PRKRIP1: variants seen among roughly 807,000 people sequenced by gnomAD.
PRKRIP1 encodes PRKR interacting protein 1.
In PRKRIP1, 29 loss-of-function variants were observed where a neutral mutation model predicts 29.3. The observed-to-expected ratio is 0.99, with a 90% CI of 0.74 to 1.35. The LOEUF (loss-of-function observed/expected upper bound fraction) is 1.35, where lower values mean the gene tolerates loss of function less well. PRKRIP1 is among the 40% of genes most tolerant of loss of function. PRKRIP1 has a pLI of 0.00. For missense variants in PRKRIP1, 247 were observed against 236.8 expected (o/e 1.04, Z -0.28); for synonymous variants, 90 against 85.1 (o/e 1.06, Z -0.32).
chr7:102,412,271 T>G (rs1796408215), intron 5 of PRKRIP1, among the ~76,000 whole-genome samples: 1 of 152,236 alleles, frequency 6.6e-6, no homozygotes, highest in Non-Finnish European at 1.5e-5. Context: ...TAAAAGTGGT[T>G]TGGGCTTGGA....
chr7:102,397,870 C>A (rs1235809166), intron 2 of PRKRIP1, among the ~76,000 whole-genome samples, 172 bp downstream of exon 2: 1 of 151,960 alleles, frequency 6.6e-6, no homozygotes, highest in African/African-American at 2.4e-5. Context: ...ACGGTGAAAC[C>A]CCGTCTCTAC....
Position 102,399,659 on chromosome 7 carries a change from C to T in PRKRIP1, c.306+11C>T, listed in dbSNP as rs143404763. On this transcript the variant is annotated intron_variant, in intron 3 of 5. Transcript: ENST00000397912. ...GCCATGGCTGAGAAGGTCAGTGAGCCAGAAGGCTGGCTGAGCCCCCATGTT... is the reference window on the plus strand; with the variant it reads ...GCCATGGCTGAGAAGGTCAGTGAGCTAGAAGGCTGGCTGAGCCCCCATGTT... 4.6e-5 allele frequency: 74 copies of T among 1,601,244 alleles called. No homozygotes were observed. In the East Asian group the frequency reaches 1.6e-3, roughly 35 times the overall value.
chr7:102,424,451 C>T (rs2133208611), intron 5 of PRKRIP1, among the ~76,000 whole-genome samples: 1 of 152,360 alleles, frequency 6.6e-6, no homozygotes, highest in South Asian at 2.1e-4. Context: ...GAGTTGGGAA[C>T]ACGTCCTCAT....
At position 102,396,513 on chromosome 7, in the gene PRKRIP1, G is replaced by A. The variant is rs782209495; in HGVS notation, c.102G>A (p.Lys34=). ...ATGCGGCGGAGGAGCAGAAGCTCAA[G>A]CTGGAGCGGCTCATGAAGAACCCGG... ...PKNAAEEQKL[K]LERLMKNPDK... The change falls in exon 1 of 6, where the codon AAG becomes AAA. Residue 34 remains lysine (K), a synonymous_variant. Coordinates refer to ENST00000397912, the MANE Select transcript of PRKRIP1 (RefSeq NM_024653.4). 88 of 1,609,522 alleles carry A rather than the reference G, an allele frequency of 5.5e-5. No homozygotes were observed. Among genetic ancestry groups the A allele is most frequent in the Non-Finnish European group, 6.9e-5 (81 of 1,178,812 alleles).
At chr7:102,401,680 C>T (rs538151684) in intron 3 of PRKRIP1, among the ~76,000 whole-genome samples, 99 of 152,292 alleles carry the variant, frequency 6.5e-4, no homozygotes, top group African/African-American at 2.4e-3. Context: ...TTGCGGTGAG[C>T]TGAGATTGCG....
chr7:102,401,057 C>T (rs1271203583), intron 3 of PRKRIP1, among the ~76,000 whole-genome samples: 13 of 151,968 alleles, frequency 8.6e-5, no homozygotes, highest in African/African-American at 2.7e-4. Flanking sequence ...TTGAAATGCA[C>T]CAAAACAAAC....
In PRKRIP1 at chr7:102,407,439, A is replaced by T; in HGVS notation, c.398A>T (p.Lys133Met). 1.2e-6 allele frequency: 2 copies of T among 1,605,870 alleles called. No individual in the cohort carries two copies. The highest frequency in any genetic ancestry group is 1.7e-6 in the Non-Finnish European group (2 of 1,172,450). Residue 133 changes from lysine to methionine, a missense_variant, in exon 5 of 6, where the codon AAG becomes ATG. By Grantham distance (95) the Lys-to-Met change is moderately conservative. Coordinates refer to ENST00000397912, the MANE Select transcript of PRKRIP1 (RefSeq NM_024653.4). ...QTAKRRKKRQ[K>M]LKEKKLLAKK... ...ATATGGTTTTACATTTTTAGCCAGA[A>T]GTTAAAAGAGAAGAAATTACTGGCA...
rs142646042 is a variant in PRKRIP1 at position 102,417,120 on chromosome 7, C to T, written c.458-7894C>T. Among the ~76,000 whole-genome samples, 522 of 152,030 alleles carry T rather than the reference C, an allele frequency of 3.4e-3. 7 individuals are homozygous for T. The highest frequency in any genetic ancestry group is 0.012 in the African/African-American group (504 of 41,442). On this transcript the variant is annotated intron_variant, in intron 5 of 5. Transcript: ENST00000397912. ...TCCACCCGCCTCAGCCTCCCAAAGT[C>T]CTGGGATTACATGTGTGAGCCACCA...
intron 5 of PRKRIP1, among the ~76,000 whole-genome samples, chr7:102,413,988 G>A (rs2133191841): frequency 6.6e-6 from 1 of 152,294 alleles, no homozygotes; most frequent in East Asian, 1.9e-4. Flanking sequence ...AGCACTTTGG[G>A]AGGGCGAGGC....
At chr7:102,423,469 G>A (rs1431412879) in intron 5 of PRKRIP1, 7 of 243,246 alleles carry the variant, frequency 2.9e-5, no homozygotes, top group African/African-American at 9.2e-5. Context: ...CAGAGAACAC[G>A]TTTGAGCCTG....
intron 4 of PRKRIP1, chr7:102,405,912 G>C (rs6955864): frequency 0.83 from 270,796 of 326,034 alleles, 112,777 homozygotes; most frequent in Middle Eastern, 0.88. Context: ...ATTTGAAGAA[G>C]TCTTGGAAAG....
chr7:102,399,131 A>G (rs1483389475), intron 2 of PRKRIP1, among the ~76,000 whole-genome samples: 1 of 152,190 alleles, frequency 6.6e-6, no homozygotes, highest in Non-Finnish European at 1.5e-5. Flanking sequence ...CAAAAAAAAG[A>G]AAAAAGCTGA....
rs1554574366 is a variant in PRKRIP1 at position 102,425,685 on chromosome 7, G to T, written c.*574G>T. On this transcript the variant is annotated 3_prime_UTR_variant, in exon 6 of 6. Transcript: ENST00000397912. ...CCCGGTGCTCTCGTGTTCTGGGAAG[G>T]CCTGGGTGTGTGCACAAGGAGGCCC... The T allele has an allele frequency of 3.6e-5, 7 of 194,446 alleles. No individual in the cohort carries two copies. Among genetic ancestry groups the T allele is most frequent in the South Asian group, 2.9e-4 (4 of 13,752 alleles). 12.0% of individuals were successfully genotyped at this position (194,446 alleles called of 1,614,324 possible).
At chr7:102,401,783 A>G (rs1554571192) in intron 3 of PRKRIP1, among the ~76,000 whole-genome samples, 1 of 152,144 alleles carries the variant, frequency 6.6e-6, no homozygotes, top group Admixed American at 6.6e-5. Flanking sequence ...CACACCTGTA[A>G]TCCCAGCTAC....
At chr7:102,410,755 G>A (rs1796360087) in intron 5 of PRKRIP1, among the ~76,000 whole-genome samples, 1 of 152,112 alleles carries the variant, frequency 6.6e-6, no homozygotes, top group Non-Finnish European at 1.5e-5. Context: ...GATTTTTGGA[G>A]GCCCTTACTC....
chr7:102,425,004 G>C lies in PRKRIP1; in HGVS notation c.458-10G>C, dbSNP rs1796796657. The stretch of plus-strand genomic sequence containing the variant: ...TGCATGTCTGTAATTTGAATGTCGT[G>C]TGGTTACAGGACCCGGTCAGCCCAA... On this transcript the variant is annotated splice_polypyrimidine_tract_variant and intron_variant, in intron 5 of 5. Coordinates refer to ENST00000397912, the MANE Select transcript of PRKRIP1 (RefSeq NM_024653.4). The C allele has an allele frequency of 6.2e-7, 1 of 1,608,482 alleles. No individual in the cohort carries two copies.
intron 5 of PRKRIP1, among the ~76,000 whole-genome samples, chr7:102,415,617 T>G (rs1281353023): frequency 1.3e-5 from 2 of 152,258 alleles, no homozygotes; most frequent in Non-Finnish European, 2.9e-5. Flanking sequence ...ACGGAATGCT[T>G]CTTACGTACC....
intron 5 of PRKRIP1, among the ~76,000 whole-genome samples, chr7:102,423,789 G>A (rs967079259): frequency 3.9e-5 from 6 of 151,910 alleles, no homozygotes; most frequent in Non-Finnish European, 8.8e-5. Context: ...AGGTCCTCCT[G>A]CCTCAGCCTC....
At chr7:102,415,565 A>G (rs1554572989) in intron 5 of PRKRIP1, among the ~76,000 whole-genome samples, 2 of 152,212 alleles carry the variant, frequency 1.3e-5, no homozygotes, top group Admixed American at 1.3e-4. Context: ...TGTACATTGG[A>G]TTGTCAGTCA....
Sources: allele counts gnomAD v4.1 joint callset (sites outside exome capture counted in the v4.1 genomes callset), GRCh38; gene constraint gnomAD v4.1.1; transcripts MANE v1.5; gene names NCBI Gene and HGNC (gene_info 2026-07-23, HGNC 2026-07-21).